SAXO1: variants seen among roughly 807,000 people sequenced by gnomAD.
SAXO1 encodes 4930500O09Rik.
Under a neutral mutation model 17.5 loss-of-function variants are expected in SAXO1, and 21 were observed. The observed-to-expected ratio is 1.20, with a 90% CI of 0.85 to 1.72. SAXO1 has a LOEUF of 1.72. Among genes scored for constraint, SAXO1 ranks in the 40% most tolerant of loss-of-function variants. SAXO1 has a pLI of 0.00. For missense variants in SAXO1, 843 were observed against 596.0 expected (o/e 1.41, Z -4.32); for synonymous variants, 274 against 216.5 (o/e 1.27, Z -2.33).
At chr9:19,009,617 G>T (rs1453309502) in intron 1 of SAXO1, among the ~76,000 whole-genome samples, 1 of 152,024 alleles carries the variant, frequency 6.6e-6, no homozygotes, top group Non-Finnish European at 1.5e-5. Flanking sequence ...AGAATGAAAT[G>T]GAACAAGCAT....
chr9:19,039,362 CA>C (rs1234023146), intron 1 of SAXO1, among the ~76,000 whole-genome samples: 1 of 152,084 alleles, frequency 6.6e-6, no homozygotes, highest in African/African-American at 2.4e-5. Context: ...TTTTAGCTCT[CA>C]AAGTTTGAGG....
chr9:18,972,284 A>C (rs897483213), intron 1 of SAXO1, among the ~76,000 whole-genome samples: 2 of 152,224 alleles, frequency 1.3e-5, no homozygotes, highest in African/African-American at 4.8e-5. Flanking sequence ...AGCTTTCTCT[A>C]ATCTTTGCAA....
chr9:19,018,755 G>A (rs1301960202), intron 1 of SAXO1, among the ~76,000 whole-genome samples: 1 of 152,184 alleles, frequency 6.6e-6, no homozygotes, highest in Non-Finnish European at 1.5e-5. Flanking sequence ...TAGGAGCAGT[G>A]GTTAGAGACA....
At chr9:18,930,419 C>T (rs759383768) in intron 3 of SAXO1, among the ~76,000 whole-genome samples, 79 of 152,108 alleles carry the variant, frequency 5.2e-4, no homozygotes, top group Non-Finnish European at 9.1e-4. Context: ...ACCATCAGGG[C>T]CAGCACACCA....
At chr9:19,005,604 C>T (rs1018003662) in intron 1 of SAXO1, among the ~76,000 whole-genome samples, 50 of 152,164 alleles carry the variant, frequency 3.3e-4, no homozygotes, top group African/African-American at 1.2e-3. Flanking sequence ...GGACCCTTAC[C>T]TAACACCACA....
rs144136165 is a variant in SAXO1, at chr9:19,031,387, C to T, written c.38+1484G>A. The stretch of plus-strand genomic sequence containing the variant: ...ACCAGCCTGGACAACATGGTTGAAA[C>T]CCTGTCTCTACTAAAAATACAAAAA... On this transcript the variant is annotated intron_variant, in intron 1 of 3. Transcript: ENST00000380534. Among the ~76,000 whole-genome samples the T allele has an allele frequency of 4.3e-3, 662 of 152,304 alleles. 5 individuals carry two copies. The highest frequency in any genetic ancestry group is 0.015 in the African/African-American group (619 of 41,554).
chr9:19,024,583 TA>T (rs954405790), intron 1 of SAXO1, among the ~76,000 whole-genome samples: 1 of 152,020 alleles, frequency 6.6e-6, no homozygotes, highest in African/African-American at 2.4e-5. Context: ...CCCTAAAACT[TA>T]AAGTATAATA....
At chr9:19,043,354 G>C (rs917142953) in intron 1 of SAXO1, among the ~76,000 whole-genome samples, 1 of 152,140 alleles carries the variant, frequency 6.6e-6, no homozygotes, top group Non-Finnish European at 1.5e-5. Context: ...TAAAACAATT[G>C]AACTCACAGA....
intron 2 of SAXO1, among the ~76,000 whole-genome samples, chr9:18,950,061 G>C (rs1831967414): frequency 6.6e-6 from 1 of 152,106 alleles, no homozygotes; most frequent in African/African-American, 2.4e-5. Context: ...GTCCATGGCA[G>C]ATTCTGCAAG....
rs531230052 is a variant in SAXO1, at chr9:18,927,821, G to A, written c.*231C>T. On this transcript the variant is annotated 3_prime_UTR_variant, in exon 4 of 4. Coordinates refer to ENST00000380534, the MANE Select transcript of SAXO1 (RefSeq NM_153707.4). ...AAGCACAAAGTAAAGGACCTGAAAC[G>A]GGGTGGGGATGCAGTAAAGGAGAAG... 3.0e-4 allele frequency: 135 copies of A among 450,374 alleles called. No homozygotes were observed. Among genetic ancestry groups the A allele is most frequent in the African/African-American group, 4.2e-4 (21 of 50,600 alleles). The allele number at this position is 450,374 out of a possible 1,614,324, so 27.9% of individuals were successfully genotyped here. A position where few individuals can be genotyped will look rare whatever the true frequency, so the allele number is the denominator to read the frequency against.
chr9:18,962,298 A>G (rs1056810517), intron 1 of SAXO1, among the ~76,000 whole-genome samples: 1 of 151,934 alleles, frequency 6.6e-6, no homozygotes, highest in Non-Finnish European at 1.5e-5. Context: ...GAACTCCCGA[A>G]CTCAGATGAT....
intron 1 of SAXO1, among the ~76,000 whole-genome samples, chr9:18,962,035 G>A (rs756144652): frequency 2.6e-5 from 4 of 151,958 alleles, no homozygotes; most frequent in Admixed American, 6.6e-5. Flanking sequence ...GGTGTGAGAT[G>A]GTATCTCATT....
At chr9:19,044,161 G>C (rs528978230) in intron 1 of SAXO1, among the ~76,000 whole-genome samples, 1 of 151,662 alleles carries the variant, frequency 6.6e-6, no homozygotes, top group African/African-American at 2.4e-5. Flanking sequence ...CAATTGGATT[G>C]TTTGCAACAC....
chr9:19,009,299 A>T (rs1190673132), intron 1 of SAXO1, among the ~76,000 whole-genome samples: 1 of 152,216 alleles, frequency 6.6e-6, no homozygotes, highest in Non-Finnish European at 1.5e-5. Context: ...GGGAGTTTCA[A>T]AACTAAGTCA....
rs768668083 is a variant in SAXO1 at position 18,941,855 on chromosome 9, T to A, written c.219-16A>T. ...AAAATCTCTCCTGTAAGGAAGCAAG[T>A]GCATGCTGTTGGGGTCCTTGGCTTG... On this transcript the variant is annotated splice_polypyrimidine_tract_variant and intron_variant, in intron 2 of 3. Transcript: ENST00000380534. 4.3e-6 allele frequency: 7 copies of A among 1,613,440 alleles called. No homozygotes were observed. The highest frequency in any genetic ancestry group is 1.3e-5 in the African/African-American group (1 of 74,924).
intron 1 of SAXO1, among the ~76,000 whole-genome samples, chr9:19,019,133 C>A (rs771426111): frequency 6.6e-5 from 10 of 151,828 alleles, no homozygotes; most frequent in African/African-American, 2.4e-4. Flanking sequence ...AAAAAAAGAA[C>A]CCTCTTAATT....
chr9:19,035,716 G>A (rs112531037), upstream of SAXO1, among the ~76,000 whole-genome samples: 11 of 152,340 alleles, frequency 7.2e-5, no homozygotes, highest in African/African-American at 2.6e-4. Flanking sequence ...CTCAGATAGA[G>A]ATGAGGAACT....
rs560705967 is a variant in SAXO1, at chr9:18,964,297, G to A, written c.39-13360C>T. Reference sequence around the variant, plus strand: ...GATGCTGGCCTCATAAACGGAATTAGGGAGGAGTCCCTCTTTTTCTATTGT... The same window carrying A: ...GATGCTGGCCTCATAAACGGAATTAAGGAGGAGTCCCTCTTTTTCTATTGT... On this transcript the variant is annotated intron_variant, in intron 1 of 3. Transcript: ENST00000380534. Among the ~76,000 whole-genome samples, 36 of 152,294 alleles carry A rather than the reference G, an allele frequency of 2.4e-4. 1 individual carries two copies. The highest frequency in any genetic ancestry group is 7.9e-4 in the African/African-American group (33 of 41,566).
Position 18,928,492 on chromosome 9 carries a change from T to C in SAXO1, c.985A>G (p.Lys329Glu). ...AQSCRPALQIKKCGRFEGSST... is the reference protein window; with the variant it reads ...AQSCRPALQIEKCGRFEGSST... Reference sequence around the variant, plus strand: ...GAGCCTTCAAAGCGACCGCACTTCTTAATCTGAAGTGCAGGTCGGCAGGAC... The same window carrying C: ...GAGCCTTCAAAGCGACCGCACTTCTCAATCTGAAGTGCAGGTCGGCAGGAC... Residue 329 changes from lysine to glutamate, a missense_variant, in exon 4 of 4, where the codon AAG (lysine) becomes GAG (glutamate). Transcript: ENST00000380534. 4.3e-6 allele frequency: 7 copies of C among 1,613,658 alleles called. No individual in the cohort carries two copies. The highest frequency in any genetic ancestry group is 5.9e-6 in the Non-Finnish European group (7 of 1,179,838).
Sources: gnomAD v4.1 joint callset for allele counts (sites outside exome capture counted in the v4.1 genomes callset) on GRCh38, gnomAD v4.1.1 for gene constraint, MANE v1.5 for transcripts, NCBI Gene and HGNC (gene_info 2026-07-23, HGNC 2026-07-21) for gene names.